The following GLIS1 variants were observed in gnomAD, a reference collection of about 807,000 sequenced individuals.
The protein encoded by GLIS1 is GLIS family zinc finger 1, also known as zinc finger protein GLIS1.
A neutral mutation model predicts 63.8 loss-of-function variants in GLIS1; 24 were observed. That is an observed-to-expected ratio of 0.38 (90% confidence interval 0.27 to 0.53). GLIS1 has a LOEUF of 0.53. Among genes scored for constraint, GLIS1 ranks in the 20% least tolerant of loss-of-function variants. GLIS1 has a pLI of 0.85. For synonymous variants in GLIS1, 450 were observed against 482.5 expected (o/e 0.93, Z 0.88); for missense variants, 1,036 against 1,074.1 (o/e 0.96, Z 0.50).
intron 2 of GLIS1, among the ~76,000 whole-genome samples, chr1:53,645,899 A>G (rs1645840132): frequency 6.6e-6 from 1 of 152,208 alleles, no homozygotes; most frequent in African/African-American, 2.4e-5. Flanking sequence ...TTCTTATTCA[A>G]TCAAAGCCTT....
Position 53,728,997 on chromosome 1 carries a change from C to T in GLIS1, c.259+8809G>A, listed in dbSNP as rs141944700. ...CTCTACAGATGTGTGTAGATGCTGT[C>T]GTGGTGGATAAAGTACATATCTACT... On this transcript the variant is annotated intron_variant, in intron 2 of 10. Transcript: ENST00000628545. 8.6e-5 allele frequency among the ~76,000 whole-genome samples: 13 copies of T among 150,668 alleles called. No homozygotes were observed. The East Asian group carries it at 2.6e-3, about 30-fold the overall frequency.
intron 2 of GLIS1, among the ~76,000 whole-genome samples, chr1:53,671,656 T>G (rs1218708782): frequency 6.6e-6 from 1 of 152,220 alleles, no homozygotes; most frequent in Non-Finnish European, 1.5e-5. Context: ...AAGCCCTCCA[T>G]TAGGAATATT....
At chr1:53,522,986 C>CTTTTTCTTTTTTT (rs760283252) in intron 6 of GLIS1, among the ~76,000 whole-genome samples, 18 of 43,698 alleles carry the variant, frequency 4.1e-4, no homozygotes, top group African/African-American at 7.5e-4. Flanking sequence ...TCTTTTCTTT[C>CTTTTTCTTTTTTT]TTTTTTTTTT....
intron 2 of GLIS1, among the ~76,000 whole-genome samples, chr1:53,601,013 C>T (rs1490852033): frequency 1.3e-5 from 2 of 151,858 alleles, no homozygotes; most frequent in East Asian, 1.9e-4. Context: ...AGCTCCTTCC[C>T]CTCTCTGGGC....
intron 3 of GLIS1, among the ~76,000 whole-genome samples, chr1:53,596,727 C>T (rs955867092): frequency 5.3e-5 from 8 of 152,028 alleles, no homozygotes; most frequent in Admixed American, 2.0e-4. Context: ...TGGAGCAGCC[C>T]GAGCTCCAGT....
At chr1:53,724,917 G>A (rs181649027) in intron 2 of GLIS1, among the ~76,000 whole-genome samples, 1 of 152,142 alleles carries the variant, frequency 6.6e-6, no homozygotes, top group Non-Finnish European at 1.5e-5. Flanking sequence ...AAATGAGGAG[G>A]AGAAAGAGGA....
chr1:53,737,291 G>C (rs758510267), intron 2 of GLIS1, among the ~76,000 whole-genome samples: 3 of 152,166 alleles, frequency 2.0e-5, no homozygotes, highest in Non-Finnish European at 4.4e-5. Flanking sequence ...TGACTAGGCT[G>C]GATTGCTGAT....
chr1:53,591,648 G>T (rs1382611335), intron 4 of GLIS1, among the ~76,000 whole-genome samples: 1 of 152,168 alleles, frequency 6.6e-6, no homozygotes, highest in African/African-American at 2.4e-5. Flanking sequence ...GTAAAATGGG[G>T]GTTCACAGTA....
At position 53,738,025 on chromosome 1, in the gene GLIS1, G is replaced by A; in HGVS notation, c.40C>T (p.Pro14Ser). The A allele has an allele frequency of 1.6e-6, 2 of 1,230,738 alleles. No homozygotes were observed. Among genetic ancestry groups the A allele is most frequent in the Non-Finnish European group, 2.0e-6 (2 of 987,294 alleles). 76.2% of individuals were successfully genotyped at this position (1,230,738 alleles called of 1,614,324 possible). ...EVAEAHSDKR[P>S]KEAPGAPGPD... ...CCGGGCGCACCAGGGGCCTCCTTAG[G>A]CCTCTTGTCCGAGTGTGCCTCAGCC... The change falls in exon 2 of 11, where the codon CCT becomes TCT. Residue 14 changes from proline to serine, a missense_variant. Coordinates refer to ENST00000628545, the MANE Select transcript of GLIS1 (RefSeq NM_001367484.1).
intron 4 of GLIS1, among the ~76,000 whole-genome samples, chr1:53,592,370 G>A (rs1645200359): frequency 6.6e-6 from 1 of 152,220 alleles, no homozygotes; most frequent in Non-Finnish European, 1.5e-5. Flanking sequence ...GTAAGCCAGT[G>A]TCCTGTGGAG....
chr1:53,513,426 G>A (rs1214204944), intron 8 of GLIS1, among the ~76,000 whole-genome samples: 4 of 152,046 alleles, frequency 2.6e-5, no homozygotes, highest in Non-Finnish European at 4.4e-5. Flanking sequence ...TCCCAAGTTC[G>A]TCACCCCACA....
At chr1:53,678,801 C>G (rs868325226) in intron 2 of GLIS1, among the ~76,000 whole-genome samples, 1 of 152,172 alleles carries the variant, frequency 6.6e-6, no homozygotes, top group Non-Finnish European at 1.5e-5. Flanking sequence ...AGGTCTCTGA[C>G]CTCAGTCTCC....
intron 4 of GLIS1, among the ~76,000 whole-genome samples, chr1:53,556,666 T>A (rs760704242): frequency 1.7e-4 from 26 of 149,248 alleles, no homozygotes; most frequent in Non-Finnish European, 3.6e-4. Flanking sequence ...TGTGTGTGTA[T>A]GCAGGTGTAC....
chr1:53,658,947 GAATGCACCAAGGGGCCAAGGGGGTAGC>G (rs2100354136), intron 2 of GLIS1, among the ~76,000 whole-genome samples: 1 of 152,262 alleles, frequency 6.6e-6, no homozygotes, highest in African/African-American at 2.4e-5. Flanking sequence ...GGGGCCCAAA[GAATGCACCAAGGGGCCAAGGGGGTAGC>G]AATGCCCTGG....
chr1:53,711,363 C>T (rs528949220), intron 2 of GLIS1, among the ~76,000 whole-genome samples: 1 of 151,830 alleles, frequency 6.6e-6, no homozygotes, highest in Non-Finnish European at 1.5e-5. Flanking sequence ...CACAGTGGAC[C>T]CCATCAGTAT....
intron 4 of GLIS1, among the ~76,000 whole-genome samples, chr1:53,564,245 G>C (rs1048012563): frequency 2.0e-5 from 3 of 152,124 alleles, no homozygotes; most frequent in African/African-American, 7.2e-5. Context: ...TTCTTGTATT[G>C]TTGGGGAGGG....
At chr1:53,665,559 G>A (rs1448409354) in intron 2 of GLIS1, among the ~76,000 whole-genome samples, 2 of 152,152 alleles carry the variant, frequency 1.3e-5, no homozygotes, top group Non-Finnish European at 2.9e-5. Context: ...TGAGGGAGGA[G>A]GATCGCTTGA....
chr1:53,691,508 G>A (rs778295075), intron 2 of GLIS1, among the ~76,000 whole-genome samples: 8 of 152,080 alleles, frequency 5.3e-5, no homozygotes, highest in African/African-American at 7.2e-5. Context: ...AGATTCACAC[G>A]GACTGGGAGG....
At chr1:53,631,409 T>C (rs1168214981) in intron 2 of GLIS1, among the ~76,000 whole-genome samples, 2 of 152,226 alleles carry the variant, frequency 1.3e-5, no homozygotes, top group Non-Finnish European at 2.9e-5. Context: ...TTCCACCATC[T>C]CTGAGCAACA....
Sources: allele counts gnomAD v4.1 joint callset (sites outside exome capture counted in the v4.1 genomes callset), GRCh38; gene constraint gnomAD v4.1.1; transcripts MANE v1.5; gene names NCBI Gene and HGNC (gene_info 2026-07-23, HGNC 2026-07-21).